The following CLIC5 variants were observed in gnomAD, a reference collection of about 807,000 sequenced individuals.
The protein encoded by CLIC5 is CLIC family member 5.
A neutral mutation model predicts 24.7 loss-of-function variants in CLIC5; 20 were observed. That is an observed-to-expected ratio of 0.81 (90% CI 0.57 to 1.18). The LOEUF (loss-of-function observed/expected upper bound fraction) is 1.18. CLIC5 is among the 50% of genes most tolerant of loss of function. The pLI, the probability that CLIC5 is intolerant of heterozygous loss-of-function variation, is 0.00. For missense variants in CLIC5, 341 were observed against 326.1 expected, an observed-to-expected ratio of 1.05 and a Z score of -0.35; for synonymous variants, 159 against 135.6, an observed-to-expected ratio of 1.17 and a Z score of -1.20.
At chr6:45,953,755 G>A (rs970975021) in intron 2 of CLIC5, among the ~76,000 whole-genome samples, 3 of 152,172 alleles carry the variant, frequency 2.0e-5, no homozygotes, top group Admixed American at 6.5e-5. Context: ...ATGGGTCAGA[G>A]AGAGAGAAAA....
chr6:46,017,025 C>T (rs1445601494), upstream of CLIC5, among the ~76,000 whole-genome samples: 1 of 152,206 alleles, frequency 6.6e-6, no homozygotes, highest in African/African-American at 2.4e-5. Flanking sequence ...TGGTTGGATT[C>T]ACAGACACTT....
the CLIC5 span, among the ~76,000 whole-genome samples, chr6:46,097,504 A>C: frequency 6.6e-6 from 1 of 152,240 alleles, no homozygotes; most frequent in African/African-American, 2.4e-5. Context: ...GTTCAGACAC[A>C]CTGAGAGCAA....
chr6:45,894,526 T>C (rs551090130), downstream of CLIC5, among the ~76,000 whole-genome samples: 21 of 152,316 alleles, frequency 1.4e-4, no homozygotes, highest in East Asian at 4.0e-3. Flanking sequence ...ATTCATGATG[T>C]ATGCATGAAA....
chr6:45,959,854 G>A (rs1764790096), intron 1 of CLIC5, among the ~76,000 whole-genome samples: 1 of 152,162 alleles, frequency 6.6e-6, no homozygotes, highest in Admixed American at 6.5e-5. Flanking sequence ...AGACATGTAT[G>A]CAAAGGTTGA....
At chr6:45,955,337 C>G in intron 1 of CLIC5, 93 bp from the exon 2 acceptor site, 2 of 844,648 alleles carry the variant, frequency 2.4e-6, no homozygotes, top group Middle Eastern at 6.6e-4. Context: ...CTGAGGAGAC[C>G]TTACTAAAAC....
upstream of CLIC5, among the ~76,000 whole-genome samples, chr6:46,082,547 C>T (rs1218027341): frequency 1.3e-5 from 2 of 152,220 alleles, no homozygotes; most frequent in African/African-American, 4.8e-5. Flanking sequence ...CGACCCAGCT[C>T]CAGACAATTG....
chr6:45,984,073 A>C (rs1765652579), intron 1 of CLIC5, among the ~76,000 whole-genome samples: 1 of 152,190 alleles, frequency 6.6e-6, no homozygotes, highest in South Asian at 2.1e-4. Context: ...CCCTTCAAGA[A>C]AAGAGTCAAA....
Position 45,903,265 on chromosome 6 carries a change from A to T in CLIC5, c.589-10T>A, listed in dbSNP as rs748319669. On this transcript the variant is annotated splice_polypyrimidine_tract_variant and intron_variant, in intron 5 of 5. Coordinates refer to ENST00000339561, the MANE Select transcript of CLIC5 (RefSeq NM_016929.5). ...ATTTCTTGGCCACAATCTAAAACAG[A>T]GATGGCAGGACAGAGGTGGTGTGAA... The T allele has an allele frequency of 6.0e-6, 9 of 1,489,846 alleles. No homozygotes were observed. The South Asian group carries it at 1.1e-4, about 19-fold the overall frequency. The allele number at this position is 1,489,846 out of a possible 1,614,324, so 92.3% of individuals were successfully genotyped here. A position where few individuals can be genotyped will look rare whatever the true frequency, so the allele number is the denominator to read the frequency against.
chr6:45,944,272 A>C (rs1764220897), intron 3 of CLIC5, among the ~76,000 whole-genome samples: 1 of 152,142 alleles, frequency 6.6e-6, no homozygotes. Context: ...ATGAAATTCA[A>C]ATTTCAGTGT....
At chr6:45,905,717 T>G (rs553812828) in intron 5 of CLIC5, among the ~76,000 whole-genome samples, 3 of 152,164 alleles carry the variant, frequency 2.0e-5, no homozygotes, top group Admixed American at 1.3e-4. Context: ...GTGCAGAAGC[T>G]CTTTAGTATA....
intron 4 of CLIC5, chr6:45,919,104 G>A (rs866444980): frequency 3.6e-5 from 35 of 985,228 alleles, no homozygotes; most frequent in Middle Eastern, 5.2e-4. Context: ...CTTTAATTTC[G>A]TCCATTTTGG....
In CLIC5 at chr6:45,900,155, A is replaced by C. The variant is rs899929798; in HGVS notation, c.*2933T>G. 2.2e-4 allele frequency: 33 copies of C among 152,316 alleles called. No homozygotes were observed. The highest frequency in any genetic ancestry group is 1.5e-3 in the Admixed American group (23 of 15,298). The allele number at this position is 152,316 out of a possible 1,614,324, so 9.4% of individuals were successfully genotyped here. A position where few individuals can be genotyped will look rare whatever the true frequency, so the allele number is the denominator to read the frequency against. On this transcript the variant is annotated 3_prime_UTR_variant, in exon 6 of 6. Coordinates refer to ENST00000339561, the MANE Select transcript of CLIC5 (RefSeq NM_016929.5). ...GCTGACTAGACAGTGAATTCAACTC[A>C]GTCATTCTGAGTTTGACTCTTGCTT...
chr6:45,999,624 C>T (rs1766276616), intron 1 of CLIC5, among the ~76,000 whole-genome samples: 2 of 152,038 alleles, frequency 1.3e-5, no homozygotes, highest in Admixed American at 6.6e-5. Context: ...CCTCCTCTTC[C>T]TCCTCCTCTT....
intron 6 of CLIC5, among the ~76,000 whole-genome samples, chr6:45,889,703 C>A (rs576192565): frequency 6.6e-6 from 1 of 152,042 alleles, no homozygotes; most frequent in Non-Finnish European, 1.5e-5. Flanking sequence ...TTGAGTCATG[C>A]AAATACATTT....
the CLIC5 span, among the ~76,000 whole-genome samples, chr6:46,122,654 A>C: frequency 6.6e-6 from 1 of 152,212 alleles, no homozygotes; most frequent in Non-Finnish European, 1.5e-5. Flanking sequence ...TGGTTTTTTA[A>C]AAAGATCAAC....
intron 1 of CLIC5, among the ~76,000 whole-genome samples, chr6:45,962,938 G>A (rs1243581334): frequency 6.6e-6 from 1 of 152,134 alleles, no homozygotes; most frequent in African/African-American, 2.4e-5. Flanking sequence ...GCCACTGAGT[G>A]TATGTTCACC....
At chr6:46,030,845 A>G (rs1438174200) in intron 1 of CLIC5, among the ~76,000 whole-genome samples, 4 of 152,170 alleles carry the variant, frequency 2.6e-5, no homozygotes, top group Admixed American at 2.6e-4. Flanking sequence ...TTACATGGAA[A>G]TTATTTGTTT....
chr6:46,039,802 G>T (rs749072899), intron 1 of CLIC5, among the ~76,000 whole-genome samples: 14 of 152,070 alleles, frequency 9.2e-5, no homozygotes, highest in Non-Finnish European at 1.9e-4. Context: ...TAAATGGAGG[G>T]CATACACATA....
At chr6:45,958,445 T>TATACACACACACACAC (rs1554151294) in intron 1 of CLIC5, among the ~76,000 whole-genome samples, 1 of 76,466 alleles carries the variant, frequency 1.3e-5, no homozygotes, top group Non-Finnish European at 2.8e-5. Flanking sequence ...TATATATATA[T>TATACACACACACACAC]ATATATATAT....
Sources: gnomAD v4.1 joint callset for allele counts (sites outside exome capture counted in the v4.1 genomes callset) on GRCh38, gnomAD v4.1.1 for gene constraint, MANE v1.5 for transcripts, NCBI Gene and HGNC (gene_info 2026-07-23, HGNC 2026-07-21) for gene names.